The following CAPG variants were observed in gnomAD, a reference collection of about 807,000 sequenced individuals.
CAPG encodes the protein capping actin protein, gelsolin like.
In CAPG, 32 loss-of-function variants were observed where a neutral mutation model predicts 44.6. The observed-to-expected ratio is 0.72, with a 90% CI of 0.54 to 0.96. CAPG has a LOEUF of 0.96. Ranked by LOEUF, CAPG falls within the 50% of genes least tolerant of loss-of-function variation. The probability of loss-of-function intolerance (pLI) is 0.00; values close to 1 mark genes in which losing one functional copy is unlikely to be tolerated. For synonymous variants in CAPG, 175 were observed against 179.6 expected (o/e 0.97, Z 0.20); for missense variants, 412 against 438.3 (o/e 0.94, Z 0.54).
At chr2:85,418,063 T>A (rs902932680) in intron 1 of CAPG, among the ~76,000 whole-genome samples, 1 of 152,142 alleles carries the variant, frequency 6.6e-6, no homozygotes, top group African/African-American at 2.4e-5. Flanking sequence ...CAGTCAAGCC[T>A]GTAAGGTAAC....
chr2:85,403,175 A>G (rs1263880726), intron 1 of CAPG, among the ~76,000 whole-genome samples: 3 of 152,224 alleles, frequency 2.0e-5, no homozygotes, highest in African/African-American at 7.2e-5. Flanking sequence ...TGAGATCACC[A>G]TAGATTTTAC....
At chr2:85,419,461 A>G (rs1687667278), upstream of CAPG, among the ~76,000 whole-genome samples, 1 of 152,170 alleles carries the variant, frequency 6.6e-6, no homozygotes, top group South Asian at 2.1e-4. Flanking sequence ...CGGTAGGATG[A>G]GCTGTGCTGA....
chr2:85,401,250 C>A lies in CAPG; in HGVS notation c.431G>T (p.Gly144Val). Residue 144 changes from glycine (G) to valine (V), a missense_variant, in exon 5 of 10, where the codon GGG becomes GTG. Gly to Val is a moderately radical substitution (Grantham distance 109). Coordinates refer to ENST00000263867, the MANE Select transcript of CAPG (RefSeq NM_001747.4). The part of the protein sequence containing the change: ...AAIKKLYQVK[G>V]KKNIRATERA... The stretch of plus-strand genomic sequence containing the variant: ...CTCGGTGGCACGGATGTTCTTCTTC[C>A]CCTTCACCTGGTAGAGTTTCTTGAT... 6.2e-7 allele frequency: 1 copy of A among 1,614,172 alleles called. No homozygotes were observed. The highest frequency in any genetic ancestry group is 8.5e-7 in the Non-Finnish European group (1 of 1,180,026).
upstream of CAPG, among the ~76,000 whole-genome samples, chr2:85,415,134 C>T (rs1687522851): frequency 6.6e-6 from 1 of 152,224 alleles, no homozygotes; most frequent in African/African-American, 2.4e-5. Flanking sequence ...CCGCTGCCTA[C>T]TATCTGCCTT....
intron 1 of CAPG, among the ~76,000 whole-genome samples, 194 bp downstream of exon 1, chr2:85,410,123 A>G (rs1173477378): frequency 2.0e-5 from 3 of 152,238 alleles, no homozygotes; most frequent in African/African-American, 7.2e-5. Flanking sequence ...GGAGCCTGGC[A>G]TAAGGCTGGC....
chr2:85,408,135 G>A (rs1308942164), intron 1 of CAPG, among the ~76,000 whole-genome samples: 1 of 152,032 alleles, frequency 6.6e-6, no homozygotes. Flanking sequence ...TTGAGATTAG[G>A]AGTTCAAGAC....
At chr2:85,403,277 A>C (rs920666911) in intron 1 of CAPG, among the ~76,000 whole-genome samples, 2 of 152,218 alleles carry the variant, frequency 1.3e-5, no homozygotes, top group Non-Finnish European at 2.9e-5. Context: ...TCAAAGACAC[A>C]AATTATGAAA....
In CAPG at chr2:85,399,241, G is replaced by A. The variant is rs766537492; in HGVS notation, c.561C>T (p.Arg187=). ...CCAGGGCCAGGTCCCTCGCCTTGTT[G>A]CGTTCCAGGATGTTGGACTTTCCAC... ...WCGGKSNILE[R]NKARDLALAI... Residue 187 remains arginine, a synonymous_variant, in exon 6 of 10, where the codon CGC becomes CGT. Coordinates refer to ENST00000263867, the MANE Select transcript of CAPG (RefSeq NM_001747.4). 5 of 1,614,074 alleles carry A rather than the reference G, an allele frequency of 3.1e-6. No individual in the cohort carries two copies. In the East Asian group the frequency reaches 8.9e-5, roughly 29 times the overall value.
downstream of CAPG, among the ~76,000 whole-genome samples, chr2:85,392,129 G>A (rs935951144): frequency 3.3e-5 from 5 of 152,220 alleles, no homozygotes; most frequent in Non-Finnish European, 7.3e-5. Flanking sequence ...AGTGGCTCAC[G>A]CCTGTAATCC....
intron 1 of CAPG, among the ~76,000 whole-genome samples, chr2:85,403,308 A>C (rs1686992341): frequency 6.6e-6 from 1 of 152,228 alleles, no homozygotes; most frequent in Non-Finnish European, 1.5e-5. Context: ...GAAGACACAG[A>C]TTATCTGAAC....
At chr2:85,417,646 G>A (rs1367795323) in intron 1 of CAPG, among the ~76,000 whole-genome samples, 1 of 151,776 alleles carries the variant, frequency 6.6e-6, no homozygotes, top group Non-Finnish European at 1.5e-5. Flanking sequence ...CCACGCCCGG[G>A]TAATTTTTTC....
intron 8 of CAPG, among the ~76,000 whole-genome samples, chr2:85,397,170 C>T (rs1417831947): frequency 6.6e-6 from 1 of 152,168 alleles, no homozygotes; most frequent in African/African-American, 2.4e-5. Context: ...ATCCCAGGAT[C>T]AGGGGTCCCA....
upstream of CAPG, among the ~76,000 whole-genome samples, chr2:85,410,902 G>A (rs1021560596): frequency 1.3e-5 from 2 of 148,382 alleles, no homozygotes; most frequent in East Asian, 2.0e-4. Flanking sequence ...TCACTGTCAC[G>A]CAAGCTGGAG....
At chr2:85,391,742 G>A (rs148711588), downstream of CAPG, 53 of 152,762 alleles carry the variant, frequency 3.5e-4, no homozygotes, top group African/African-American at 1.2e-3. Context: ...TAAAAGAATT[G>A]TTCTAATTAA....
chr2:85,398,852 G>T, intron 6 of CAPG, 70 bp from the exon 7 acceptor site: 1 of 1,233,326 alleles, frequency 8.1e-7, no homozygotes, highest in Non-Finnish European at 1.1e-6. Flanking sequence ...ATCATGCCCA[G>T]GGCCACTGCT....
chr2:85,411,819 T>G (rs1444898446), upstream of CAPG, among the ~76,000 whole-genome samples: 1 of 152,314 alleles, frequency 6.6e-6, no homozygotes, highest in East Asian at 1.9e-4. Flanking sequence ...CCCAGCACTT[T>G]GGGAGACTGA....
chr2:85,400,117 G>A (rs1686811856), intron 5 of CAPG, among the ~76,000 whole-genome samples: 1 of 152,160 alleles, frequency 6.6e-6, no homozygotes, highest in South Asian at 2.1e-4. Flanking sequence ...CTACTAGAAA[G>A]TGAGCTTCAT....
In CAPG at chr2:85,398,666, C is replaced by T. The variant is rs766166395; in HGVS notation, c.759+24G>A. On this transcript the variant is annotated intron_variant, in intron 7 of 9. Transcript: ENST00000263867. ...CTCCCACCCTCCCTGCTGCCGGGTC[C>T]CAGGGCAGGCTTGGGGGGCCCACCT... The T allele has an allele frequency of 3.8e-6, 6 of 1,573,092 alleles. No homozygotes were observed. The African/African-American group carries it at 6.7e-5, about 18-fold the overall frequency.
At chr2:85,406,049 C>T (rs976720368) in intron 1 of CAPG, among the ~76,000 whole-genome samples, 1 of 152,122 alleles carries the variant, frequency 6.6e-6, no homozygotes, top group Non-Finnish European at 1.5e-5. Flanking sequence ...CGCCTGTAAT[C>T]CTAGCACTTT....
Sources: allele counts gnomAD v4.1 joint callset (sites outside exome capture counted in the v4.1 genomes callset), GRCh38; gene constraint gnomAD v4.1.1; transcripts MANE v1.5; gene names NCBI Gene and HGNC (gene_info 2026-07-23, HGNC 2026-07-21).